PCDHA3: variants seen among roughly 807,000 people sequenced by gnomAD.
PCDHA3 encodes protocadherin alpha-3.
A neutral mutation model predicts 62.2 loss-of-function variants in PCDHA3; 41 were observed. The ratio of observed to expected loss-of-function variants is 0.66; its 90% CI spans 0.51 to 0.86. The LOEUF (loss-of-function observed/expected upper bound fraction) is 0.86. Among genes scored for constraint, PCDHA3 ranks in the 40% least tolerant of loss-of-function variants. PCDHA3 has a pLI of 0.00. For missense variants in PCDHA3, 1,304 were observed against 1,241.2 expected, an observed-to-expected ratio of 1.05 and a Z score of -0.76; for synonymous variants, 640 against 555.4, an observed-to-expected ratio of 1.15 and a Z score of -2.14.
intron 1 of PCDHA3, among the ~76,000 whole-genome samples, chr5:140,906,981 G>A (rs1554192831): frequency 6.6e-6 from 1 of 152,122 alleles, no homozygotes; most frequent in Non-Finnish European, 1.5e-5. Flanking sequence ...GTCTTCTGGT[G>A]GCAGCATTCC....
chr5:140,895,253 C>CT (rs1411327383), intron 1 of PCDHA3, among the ~76,000 whole-genome samples: 1 of 151,966 alleles, frequency 6.6e-6, no homozygotes. Context: ...TCAAAGCTTT[C>CT]TTTTTTTTCT....
At chr5:140,927,525 T>C in intron 1 of PCDHA3, 1 of 1,614,088 alleles carries the variant, frequency 6.2e-7, no homozygotes, top group Non-Finnish European at 8.5e-7. Context: ...GCGGGCTACC[T>C]GCCCGCTCAG....
At chr5:140,848,916 T>C (rs1389389482) in intron 1 of PCDHA3, 1 of 1,607,882 alleles carries the variant, frequency 6.2e-7, no homozygotes, top group South Asian at 1.1e-5. Context: ...AAAGAATCTG[T>C]TCATCGCGGA....
intron 3 of PCDHA3, among the ~76,000 whole-genome samples, chr5:140,995,650 A>T (rs1166713964): frequency 6.6e-6 from 1 of 152,182 alleles, no homozygotes; most frequent in Non-Finnish European, 1.5e-5. Context: ...GAAAAGGAGA[A>T]TCGAAAAGGG....
chr5:140,979,147 C>A (rs2096836802), intron 2 of PCDHA3, 140 bp downstream of exon 2: 2 of 1,442,248 alleles, frequency 1.4e-6, no homozygotes, highest in African/African-American at 2.9e-5. Flanking sequence ...ATTATTTTGT[C>A]CCCATGTTTA....
intron 1 of PCDHA3, among the ~76,000 whole-genome samples, chr5:140,942,875 C>A (rs1003014974): frequency 2.0e-5 from 3 of 151,896 alleles, no homozygotes; most frequent in African/African-American, 7.3e-5. Flanking sequence ...AGCATGACAA[C>A]TTTTTTCCTA....
intron 1 of PCDHA3, among the ~76,000 whole-genome samples, chr5:140,917,163 G>C (rs948639951): frequency 6.6e-6 from 1 of 152,182 alleles, no homozygotes; most frequent in Non-Finnish European, 1.5e-5. Flanking sequence ...ATATGGGAGG[G>C]GTGATGGTGG....
chr5:140,876,837 C>G (rs782753877), intron 1 of PCDHA3: 3 of 1,614,148 alleles, frequency 1.9e-6, no homozygotes, highest in African/African-American at 1.3e-5. Context: ...CGCCTGCGTT[C>G]GCGCAGCCCG....
chr5:140,978,890 A>G (rs2096827624), intron 1 of PCDHA3, 59 bp from the exon 2 acceptor site: 1 of 1,612,616 alleles, frequency 6.2e-7, no homozygotes. Context: ...AATTAGCAGC[A>G]TTCCTGGGAG....
intron 1 of PCDHA3, chr5:140,968,189 TC>T: frequency 6.2e-7 from 1 of 1,614,034 alleles, no homozygotes; most frequent in Non-Finnish European, 8.5e-7. Context: ...GGACTCCTAT[TC>T]CATCTACATA....
At chr5:140,850,686 G>C (rs2150493966) in intron 1 of PCDHA3, 4 of 1,598,520 alleles carry the variant, frequency 2.5e-6, no homozygotes, top group Non-Finnish European at 3.4e-6. Flanking sequence ...CACCGAGGGC[G>C]AGTGCGCGCC....
At chr5:140,884,532 G>A in intron 1 of PCDHA3, 2 of 1,614,042 alleles carry the variant, frequency 1.2e-6, no homozygotes, top group South Asian at 2.2e-5. Flanking sequence ...CAGCAGAGGC[G>A]GCCGAGGGTG....
intron 1 of PCDHA3, among the ~76,000 whole-genome samples, chr5:140,925,206 G>A (rs576558414): frequency 1.3e-5 from 2 of 152,234 alleles, no homozygotes; most frequent in South Asian, 2.1e-4. Context: ...AATAATTATC[G>A]ATACTTTTAG....
chr5:140,806,293 T>C (rs932413436), intron 1 of PCDHA3, among the ~76,000 whole-genome samples: 3 of 152,198 alleles, frequency 2.0e-5, no homozygotes, highest in African/African-American at 7.2e-5. Flanking sequence ...ATATAAGCAC[T>C]ATAGGAGAAA....
intron 1 of PCDHA3, chr5:140,807,028 G>T (rs1204723671): frequency 2.3e-6 from 2 of 876,818 alleles, no homozygotes; most frequent in African/African-American, 1.7e-5. Context: ...AGAGAAGGAG[G>T]AAGAAGGGAA....
Position 140,829,854 on chromosome 5 carries a change from G to A in PCDHA3, c.2394+26263G>A, listed in dbSNP as rs2150176242. On this transcript the variant is annotated intron_variant, in intron 1 of 3. Transcript: ENST00000522353. ...CTGGTGCCGCGGTCACTGGGTGCAG[G>A]CCAAGTGGTGGCGAAGGTGCGCGCA... The A allele has an allele frequency of 5.0e-6, 8 of 1,613,954 alleles. No homozygotes were observed. Among genetic ancestry groups the A allele is most frequent in the Admixed American group, 3.3e-5 (2 of 60,012 alleles).
chr5:140,921,940 C>T (rs114983283), intron 1 of PCDHA3, among the ~76,000 whole-genome samples: 6,108 of 151,846 alleles, frequency 0.04, 136 homozygotes, highest in Non-Finnish European at 0.052. Context: ...TATAATTTTA[C>T]ACTTGTAAAA....
At chr5:140,949,203 T>C (rs879971307) in intron 1 of PCDHA3, among the ~76,000 whole-genome samples, 13 of 151,790 alleles carry the variant, frequency 8.6e-5, no homozygotes, top group East Asian at 1.9e-4. Flanking sequence ...TTCAGTCTTT[T>C]AAAAATCTGT....
At position 141,009,749 on chromosome 5, in the gene PCDHA3, A is replaced by G. The variant is rs2098414176; in HGVS notation, c.2665A>G (p.Ile889Val). Residue 889 changes from isoleucine to valine, a missense_variant, in exon 4 of 4, where the codon ATT (isoleucine) becomes GTT (valine). Ile to Val is a conservative substitution (Grantham distance 29). Transcript: ENST00000522353. ...SGPGELPDKFIIPGSPAIISI... is the reference protein window; with the variant it reads ...SGPGELPDKFVIPGSPAIISI... The stretch of plus-strand genomic sequence containing the variant: ...TCCCGGTGAGTTGCCCGACAAATTC[A>G]TTATCCCAGGATCTCCTGCAATCAT... 3 of 1,614,200 alleles carry G rather than the reference A, an allele frequency of 1.9e-6. No homozygotes were observed. The highest frequency in any genetic ancestry group is 1.6e-4 in the Middle Eastern group (1 of 6,062).
Sources: allele counts gnomAD v4.1 joint callset (sites outside exome capture counted in the v4.1 genomes callset), GRCh38; gene constraint gnomAD v4.1.1; transcripts MANE v1.5; gene names NCBI Gene and HGNC (gene_info 2026-07-23, HGNC 2026-07-21).